ATP6V0A2: variants seen among roughly 807,000 people sequenced by gnomAD.
The protein encoded by ATP6V0A2 is ATPase H+ transporting V0 subunit a2, also known as V-type proton ATPase 116 kDa subunit a 2.
In ATP6V0A2, 58 loss-of-function variants were observed where a neutral mutation model predicts 104.4. The observed-to-expected ratio is 0.56, with a 90% CI of 0.45 to 0.69. ATP6V0A2 has a LOEUF of 0.69. ATP6V0A2 is among the 30% of genes least tolerant of loss of function. The pLI is 0.00. For synonymous variants in ATP6V0A2, 376 were observed against 397.9 expected (o/e 0.95, Z 0.65); for missense variants, 938 against 1,062.9 (o/e 0.88, Z 1.63).
chr12:123,751,378 G>A (rs1956712619), intron 16 of ATP6V0A2, 149 bp downstream of exon 16: 1 of 1,294,948 alleles, frequency 7.7e-7, no homozygotes, highest in Admixed American at 1.9e-5. Flanking sequence ...ATGTTGGCTG[G>A]GTGTGGTGGC....
chr12:123,730,053 T>TC (rs1555296941), intron 6 of ATP6V0A2, among the ~76,000 whole-genome samples: 1 of 65,480 alleles, frequency 1.5e-5, no homozygotes, highest in African/African-American at 6.1e-5. Flanking sequence ...TCTTTTTTTT[T>TC]TTTTTTTTTT....
chr12:123,734,756 G>T (rs1956534698), intron 7 of ATP6V0A2, among the ~76,000 whole-genome samples: 1 of 152,144 alleles, frequency 6.6e-6, no homozygotes, highest in East Asian at 1.9e-4. Context: ...GGGGGTTTGG[G>T]CATTTTCTGT....
chr12:123,751,316 G>A, intron 16 of ATP6V0A2, 87 bp downstream of exon 16: 1 of 1,590,838 alleles, frequency 6.3e-7, no homozygotes, highest in Non-Finnish European at 8.6e-7. Context: ...ACCTCCTGGA[G>A]GGTCCCTGTC....
chr12:123,732,361 C>T (rs767228034), intron 6 of ATP6V0A2: 2 of 153,006 alleles, frequency 1.3e-5, no homozygotes, highest in Non-Finnish European at 2.9e-5. Context: ...GTCTCTTCTC[C>T]TGGCATCCAG....
chr12:123,743,840 C>T lies in ATP6V0A2; in HGVS notation c.1094C>T (p.Thr365Ile), dbSNP rs779001204. 2 of 1,614,090 alleles carry T rather than the reference C, an allele frequency of 1.2e-6. No homozygotes were observed. The highest frequency in any genetic ancestry group is 1.7e-6 in the Non-Finnish European group (2 of 1,179,988). The change falls in exon 10 of 20, where the codon ACA becomes ATA. Residue 365 changes from threonine to isoleucine, a missense_variant. Thr to Ile is a moderately conservative substitution (Grantham distance 89, BLOSUM62 -1). Transcript: ENST00000330342. ...ATGAATATAATCCCCACAAAAGAAA[C>T]ACCCCCCACTCGGATCCGCACCAAC... Reference protein sequence around the residue: ...SFMNIIPTKETPPTRIRTNKF... With the variant: ...SFMNIIPTKEIPPTRIRTNKF...
rs113827461 is a variant in ATP6V0A2, at chr12:123,720,669, C to A, written c.197-1682C>A. On this transcript the variant is annotated intron_variant, in intron 2 of 19. Coordinates refer to ENST00000330342, the MANE Select transcript of ATP6V0A2 (RefSeq NM_012463.4). ...GGATGACACACCACTGTACTCCAGC[C>A]TGGGCAGCAGGGTATGACCCCATAA... Among the ~76,000 whole-genome samples, 1,517 of 152,124 alleles carry A rather than the reference C, an allele frequency of 1.0e-2. 18 individuals carry two copies. Among genetic ancestry groups the A allele is most frequent in the African/African-American group, 0.034 (1,409 of 41,498 alleles).
At chr12:123,712,954 C>T (rs992772528) in intron 1 of ATP6V0A2, among the ~76,000 whole-genome samples, 2 of 152,176 alleles carry the variant, frequency 1.3e-5, no homozygotes, top group African/African-American at 2.4e-5. Flanking sequence ...GGGCACCGAG[C>T]TCAGCGGGAG....
At chr12:123,725,097 G>A (rs899997299) in intron 4 of ATP6V0A2, among the ~76,000 whole-genome samples, 1 of 151,942 alleles carries the variant, frequency 6.6e-6, no homozygotes, top group Non-Finnish European at 1.5e-5. Flanking sequence ...CACCACGCCT[G>A]TAATTTTTTG....
intron 9 of ATP6V0A2, among the ~76,000 whole-genome samples, chr12:123,741,257 CCT>C (rs1956606304): frequency 6.6e-6 from 1 of 151,980 alleles, no homozygotes; most frequent in African/African-American, 2.4e-5. Flanking sequence ...ATGGCGAGAC[CCT>C]GTCTCTACTA....
At chr12:123,729,502 C>A (rs1956480621) in intron 6 of ATP6V0A2, among the ~76,000 whole-genome samples, 1 of 151,910 alleles carries the variant, frequency 6.6e-6, no homozygotes, top group East Asian at 1.9e-4. Flanking sequence ...CCAACCCCAT[C>A]CATCCCCATG....
At chr12:123,730,646 C>A (rs889246886) in intron 6 of ATP6V0A2, 3 of 152,108 alleles carry the variant, frequency 2.0e-5, no homozygotes, top group Non-Finnish European at 4.4e-5. Context: ...AAACTAAGAT[C>A]AAAACTGTTC....
rs576086591 is a variant in ATP6V0A2 at position 123,758,095 on chromosome 12, C to T, written c.*63C>T. Reference sequence around the variant, plus strand: ...AGAATGACCATGTTATAGACTTTCACTTATGTCAGATTTATGATAGGAAAA... The same window carrying T: ...AGAATGACCATGTTATAGACTTTCATTTATGTCAGATTTATGATAGGAAAA... On this transcript the variant is annotated 3_prime_UTR_variant, in exon 20 of 20. Coordinates refer to ENST00000330342, the MANE Select transcript of ATP6V0A2 (RefSeq NM_012463.4). 1.3e-4 allele frequency: 152 copies of T among 1,193,502 alleles called. No individual in the cohort carries two copies. In the South Asian group the frequency reaches 1.7e-3, roughly 14 times the overall value. The allele number at this position is 1,193,502 out of a possible 1,614,324, so 73.9% of individuals were successfully genotyped here. A position where few individuals can be genotyped will look rare whatever the true frequency, so the allele number is the denominator to read the frequency against.
Position 123,737,190 on chromosome 12 carries a change from G to A in ATP6V0A2, c.957G>A (p.Val319=). Residue 319 remains valine (V), a synonymous_variant, in exon 9 of 20, where the codon GTG becomes GTA. Coordinates refer to ENST00000330342, the MANE Select transcript of ATP6V0A2 (RefSeq NM_012463.4). ...YHMLNMCSFD[V]TNKCLIAEVW... is the part of the protein sequence containing the mutation. ...TGCTGAACATGTGCAGCTTTGACGT[G>A]ACCAACAAGTGCCTCATTGCTGAGG... 5 of 1,614,114 alleles carry A rather than the reference G, an allele frequency of 3.1e-6. No individual in the cohort carries two copies. Among genetic ancestry groups the A allele is most frequent in the Non-Finnish European group, 4.2e-6 (5 of 1,180,032 alleles).
Position 123,748,724 on chromosome 12 carries a change from T to C in ATP6V0A2, c.1874T>C (p.Ile625Thr). The C allele has an allele frequency of 4.3e-6, 7 of 1,614,222 alleles. No homozygotes were observed. The highest frequency in any genetic ancestry group is 5.9e-6 in the Non-Finnish European group (7 of 1,180,036). Residue 625 changes from isoleucine (I) to threonine (T), a missense_variant, in exon 15 of 20, where the codon ATT (isoleucine) becomes ACT (threonine). Ile to Thr is a moderately conservative substitution (Grantham distance 89). Transcript: ENST00000330342. ...TCCAGAGTTGCTCCCAGCATTCTGA[T>C]TGAATTTATTAACATGTTTTTATTC... ...ETSRVAPSIL[I>T]EFINMFLFPA...
intron 6 of ATP6V0A2, chr12:123,731,470 G>A (rs1956500984): frequency 6.6e-6 from 1 of 152,300 alleles, no homozygotes; most frequent in Admixed American, 6.5e-5. Context: ...TATAGATTGT[G>A]TTTTTCTGTT....
chr12:123,727,993 G>A, intron 6 of ATP6V0A2, 84 bp downstream of exon 6: 1 of 1,567,330 alleles, frequency 6.4e-7, no homozygotes, highest in Non-Finnish European at 8.7e-7. Context: ...TTTTTCTCCT[G>A]AACCATTTGA....
At chr12:123,716,273 G>T (rs2135875814) in intron 1 of ATP6V0A2, among the ~76,000 whole-genome samples, 1 of 152,112 alleles carries the variant, frequency 6.6e-6, no homozygotes, top group African/African-American at 2.4e-5. Flanking sequence ...CACCATGTTG[G>T]CCAGGCTGGT....
chr12:123,756,851 T>A lies in ATP6V0A2; in HGVS notation c.2330T>A (p.Val777Glu), dbSNP rs144828090. The stretch of plus-strand genomic sequence containing the variant: ...GTCCTGTGGGCCATGCTGATGCGCG[T>A]GGGCCTCCGCGTTGACACCACCTAT... Reference protein sequence around the residue: ...SDVLWAMLMRVGLRVDTTYGV... With the variant: ...SDVLWAMLMREGLRVDTTYGV... The change falls in exon 19 of 20, where the codon GTG becomes GAG. Residue 777 changes from valine to glutamate, a missense_variant. By Grantham distance (121) the Val-to-Glu change is moderately radical. Coordinates refer to ENST00000330342, the MANE Select transcript of ATP6V0A2 (RefSeq NM_012463.4). 1.9e-6 allele frequency: 3 copies of A among 1,614,192 alleles called. No individual in the cohort carries two copies. Among genetic ancestry groups the A allele is most frequent in the Non-Finnish European group, 2.5e-6 (3 of 1,180,048 alleles).
At chr12:123,754,735 A>AGACT in intron 18 of ATP6V0A2, 198 bp downstream of exon 18, 1 of 590,144 alleles carries the variant, frequency 1.7e-6, no homozygotes, top group Non-Finnish European at 3.0e-6. Context: ...TGGAAAAATC[A>AGACT]CAGAGGGAGT....
Sources: allele counts gnomAD v4.1 joint callset (sites outside exome capture counted in the v4.1 genomes callset), GRCh38; gene constraint gnomAD v4.1.1; transcripts MANE v1.5; gene names NCBI Gene and HGNC (gene_info 2026-07-23, HGNC 2026-07-21).